The following BARD1 variants were observed in gnomAD, a reference collection of about 807,000 sequenced individuals.
BARD1 encodes BRCA1 associated RING domain 1, also known as BRCA1-associated RING domain protein 1.
Under a neutral mutation model 77.0 loss-of-function variants are expected in BARD1, and 73 were observed. The observed-to-expected ratio is 0.95, with a 90% confidence interval of 0.79 to 1.15. The LOEUF is 1.15. BARD1 is among the 50% of genes most tolerant of loss of function. The pLI is 0.00. For synonymous variants in BARD1, 384 were observed against 338.0 expected, an observed-to-expected ratio of 1.14 and a Z score of -1.49; for missense variants, 993 against 938.8, an observed-to-expected ratio of 1.06 and a Z score of -0.75.
At chr2:214,730,889 A>G (rs1188140859) in intron 9 of BARD1, 1 of 458,594 alleles carries the variant, frequency 2.2e-6, no homozygotes, top group Non-Finnish European at 4.4e-6. Context: ...TGACACAATA[A>G]CCTAAACTGA....
At chr2:214,792,163 A>C (rs980866228) in intron 3 of BARD1, 134 bp downstream of exon 3, 3 of 977,542 alleles carry the variant, frequency 3.1e-6, no homozygotes, top group South Asian at 1.9e-5. Flanking sequence ...AAAAAAAAAA[A>C]AAAAACCTAC....
At chr2:214,741,145 T>A (rs1692806947) in intron 9 of BARD1, among the ~76,000 whole-genome samples, 1 of 152,108 alleles carries the variant, frequency 6.6e-6, no homozygotes, top group African/African-American at 2.4e-5. Flanking sequence ...CCCTTCCCCA[T>A]CTCACAGACA....
At chr2:214,774,593 A>G (rs112389709) in intron 4 of BARD1, among the ~76,000 whole-genome samples, 1 of 152,338 alleles carries the variant, frequency 6.6e-6, no homozygotes, top group African/African-American at 2.4e-5. Flanking sequence ...GCTCCCACCC[A>G]GGCTTTGTTG....
intron 1 of BARD1, among the ~76,000 whole-genome samples, chr2:214,798,323 T>C (rs948707083): frequency 1.1e-4 from 16 of 152,288 alleles, no homozygotes; most frequent in African/African-American, 3.1e-4. Context: ...GATTTTTGTA[T>C]CACAGTATGT....
Position 214,809,525 on chromosome 2 carries a change from G to GCGGATCCTCGGCTGC in BARD1, c.30_44dup (p.Gln11_Arg15dup), listed in dbSNP as rs587781297. ...GCGCGGAACGAGGCTCGTTCCCGGA[G>GCGGATCCTCGGCTGC]CGGATCCTCGGCTGCCGGTTCCTCG... On this transcript the variant is annotated inframe_insertion, in exon 1 of 11. Transcript: ENST00000260947. 21 of 1,589,118 alleles carry GCGGATCCTCGGCTGC rather than the reference G, an allele frequency of 1.3e-5. No individual in the cohort carries two copies. Among genetic ancestry groups the GCGGATCCTCGGCTGC allele is most frequent in the Non-Finnish European group, 1.7e-5 (20 of 1,169,838 alleles).
At chr2:214,785,920 AAAGAG>A (rs1695252336) in intron 3 of BARD1, among the ~76,000 whole-genome samples, 1 of 151,980 alleles carries the variant, frequency 6.6e-6, no homozygotes, top group African/African-American at 2.4e-5. Context: ...TTTTAAAAAG[AAAGAG>A]AAGAGAGAGA....
chr2:214,746,069 T>A (rs564592995), intron 7 of BARD1, among the ~76,000 whole-genome samples: 3 of 152,312 alleles, frequency 2.0e-5, no homozygotes, highest in African/African-American at 4.8e-5. Flanking sequence ...TAGCTCTCTA[T>A]ACCCAGGGCA....
At chr2:214,751,303 G>A (rs977898520) in intron 7 of BARD1, among the ~76,000 whole-genome samples, 1 of 149,406 alleles carries the variant, frequency 6.7e-6, no homozygotes, top group Admixed American at 6.7e-5. Flanking sequence ...GACTACAGAC[G>A]CATACCGCCA....
intron 9 of BARD1, among the ~76,000 whole-genome samples, chr2:214,734,551 TCATCCAATGAGCAAAATACTTTA>T (rs1469277911): frequency 2.0e-5 from 3 of 152,116 alleles, no homozygotes; most frequent in African/African-American, 7.2e-5. Flanking sequence ...TACCTAATAT[TCATCCAATGAGCAAAATACTTTA>T]CTATAGATTG....
At position 214,796,986 on chromosome 2, in the gene BARD1, T is replaced by C. The variant is rs10498023; in HGVS notation, c.215+75A>G. 35,644 of 1,157,228 alleles carry C rather than the reference T, an allele frequency of 0.031. 1,219 individuals are homozygous for C. Among genetic ancestry groups the C allele is most frequent in the African/African-American group, 0.14 (9,148 of 65,342 alleles). The allele number at this position is 1,157,228 out of a possible 1,614,324, so 71.7% of individuals were successfully genotyped here. The stretch of plus-strand genomic sequence containing the variant: ...TTACACAAACATCAAGTACCATTAT[T>C]ATCAACAAGATTACATGATTGTTAT... On this transcript the variant is annotated intron_variant, in intron 2 of 10. Transcript: ENST00000260947.
chr2:214,752,598 T>C, intron 6 of BARD1, 43 bp from the exon 7 acceptor site: 1 of 1,428,332 alleles, frequency 7.0e-7, no homozygotes, highest in Non-Finnish European at 9.9e-7. Flanking sequence ...GTCAAATGTG[T>C]GACTCGACTC....
chr2:214,729,651 A>C (rs970223373), intron 10 of BARD1, among the ~76,000 whole-genome samples: 1 of 152,218 alleles, frequency 6.6e-6, no homozygotes, highest in Non-Finnish European at 1.5e-5. Context: ...ACTATTCATC[A>C]AACTTTTTTC....
intron 5 of BARD1, among the ~76,000 whole-genome samples, chr2:214,768,269 A>G (rs986599986): frequency 1.4e-5 from 2 of 146,070 alleles, no homozygotes; most frequent in Non-Finnish European, 3.0e-5. Flanking sequence ...GTATTCTAAT[A>G]AATCTCTGGC....
chr2:214,779,023 A>G (rs1172335328), intron 4 of BARD1, among the ~76,000 whole-genome samples: 2 of 152,224 alleles, frequency 1.3e-5, no homozygotes, highest in Admixed American at 6.5e-5. Flanking sequence ...ATATGTACAT[A>G]TAATATACAT....
At position 214,740,644 on chromosome 2, in the gene BARD1, T is replaced by C. The variant is rs552180786; in HGVS notation, c.1903+4423A>G. ...CTTAATATTTATCATATTAAAAATA[T>C]GCATTTTTTCCAGAGAGTATCTTCA... is the stretch of plus-strand genomic sequence containing the variant. On this transcript the variant is annotated intron_variant, in intron 9 of 10. Transcript: ENST00000260947. Among the ~76,000 whole-genome samples, 7 of 152,204 alleles carry C rather than the reference T, an allele frequency of 4.6e-5. No homozygotes were observed. The East Asian group carries it at 1.3e-3, about 29-fold the overall frequency.
intron 3 of BARD1, 69 bp from the exon 4 acceptor site, chr2:214,781,578 A>G: frequency 3.0e-6 from 4 of 1,336,888 alleles, no homozygotes; most frequent in Non-Finnish European, 4.2e-6. Flanking sequence ...CTCCCGAAGA[A>G]TTTTGTTTAC....
intron 3 of BARD1, among the ~76,000 whole-genome samples, chr2:214,788,494 C>A (rs919648084): frequency 6.6e-6 from 1 of 152,028 alleles, no homozygotes; most frequent in Non-Finnish European, 1.5e-5. Context: ...TACACTATGT[C>A]CATGATTTGA....
intron 3 of BARD1, among the ~76,000 whole-genome samples, chr2:214,782,850 A>C (rs996480744): frequency 6.6e-6 from 1 of 152,202 alleles, no homozygotes; most frequent in Non-Finnish European, 1.5e-5. Flanking sequence ...TTTGGAAAGA[A>C]AAGAGTAGAA....
chr2:214,780,481 G>T, intron 4 of BARD1, 79 bp downstream of exon 4: 1 of 1,208,796 alleles, frequency 8.3e-7, no homozygotes, highest in Non-Finnish European at 1.2e-6. Context: ...GTAATCCTAT[G>T]CCATTTTTCA....
Sources: gnomAD v4.1 joint callset for allele counts (sites outside exome capture counted in the v4.1 genomes callset) on GRCh38, gnomAD v4.1.1 for gene constraint, MANE v1.5 for transcripts, NCBI Gene and HGNC (gene_info 2026-07-23, HGNC 2026-07-21) for gene names.